THSD4: variants seen among roughly 807,000 people sequenced by gnomAD.
The protein encoded by THSD4 is thrombospondin type 1 domain containing 4, also known as thrombospondin type-1 domain-containing protein 4.
THSD4 carries 69 observed loss-of-function variants against 119.0 expected under a neutral mutation model. The ratio of observed to expected loss-of-function variants is 0.58; its 90% CI spans 0.48 to 0.71. THSD4 has a LOEUF of 0.71. Ranked by LOEUF, THSD4 falls within the 30% of genes least tolerant of loss-of-function variation. The probability of loss-of-function intolerance (pLI) is 0.00; values close to 1 mark genes in which losing one functional copy is unlikely to be tolerated. For missense variants in THSD4, 1,393 were observed against 1,391.1 expected, an observed-to-expected ratio of 1.00 and a Z score of -0.02; for synonymous variants, 524 against 540.4, an observed-to-expected ratio of 0.97 and a Z score of 0.42.
intron 3 of THSD4, among the ~76,000 whole-genome samples, chr15:71,190,450 G>A (rs773488489): frequency 4.6e-5 from 7 of 152,268 alleles, no homozygotes; most frequent in Middle Eastern, 3.4e-3. Flanking sequence ...AGCTTTATGA[G>A]CATTACAGGT....
At chr15:71,337,824 A>G (rs953901106) in intron 6 of THSD4, among the ~76,000 whole-genome samples, 3 of 152,120 alleles carry the variant, frequency 2.0e-5, no homozygotes, top group Admixed American at 6.5e-5. Context: ...TGATTTCTGC[A>G]TGCAATGTGA....
intron 3 of THSD4, among the ~76,000 whole-genome samples, chr15:71,201,109 C>T (rs1180780331): frequency 6.6e-6 from 1 of 152,082 alleles, no homozygotes; most frequent in Non-Finnish European, 1.5e-5. Flanking sequence ...GTAGCTTGAA[C>T]TTGAGGCCTA....
At chr15:71,148,513 GC>G (rs2040687512) in intron 2 of THSD4, among the ~76,000 whole-genome samples, 1 of 139,038 alleles carries the variant, frequency 7.2e-6, no homozygotes. Context: ...TAAATAGAAT[GC>G]ATTTTTTTTT....
At chr15:71,626,607 A>C (rs1483860245) in intron 7 of THSD4, among the ~76,000 whole-genome samples, 3 of 152,116 alleles carry the variant, frequency 2.0e-5, no homozygotes, top group Non-Finnish European at 2.9e-5. Context: ...TTCCCATATG[A>C]TTTTTCTTCT....
chr15:71,153,677 C>T (rs1237614838), intron 2 of THSD4, among the ~76,000 whole-genome samples: 2 of 152,178 alleles, frequency 1.3e-5, no homozygotes, highest in Non-Finnish European at 2.9e-5. Flanking sequence ...TTTTCCTCAT[C>T]TCCACCCTGA....
In THSD4 at chr15:71,758,078, G is replaced by A. The variant is rs1441948954; in HGVS notation, c.2589+3G>A. On this transcript the variant is annotated splice_donor_region_variant and intron_variant, in intron 15 of 17. Transcript: ENST00000261862. Reference sequence around the variant, plus strand: ...GGTTTGCCGGGAGCTGGAGTCAGGTGAGTGGCCAGAACTGGGTATGTCTGC... The same window carrying A: ...GGTTTGCCGGGAGCTGGAGTCAGGTAAGTGGCCAGAACTGGGTATGTCTGC... 6.4e-7 allele frequency: 1 copy of A among 1,566,728 alleles called. No homozygotes were observed. Among genetic ancestry groups the A allele is most frequent in the Non-Finnish European group, 8.7e-7 (1 of 1,154,630 alleles).
At chr15:71,580,727 G>C (rs2049542366) in intron 7 of THSD4, among the ~76,000 whole-genome samples, 1 of 152,088 alleles carries the variant, frequency 6.6e-6, no homozygotes, top group Admixed American at 6.5e-5. Context: ...CCATCTATAA[G>C]TGAGATCATG....
chr15:71,626,355 C>A (rs2050509913), intron 7 of THSD4, among the ~76,000 whole-genome samples: 1 of 152,144 alleles, frequency 6.6e-6, no homozygotes. Flanking sequence ...TCTTATTGAA[C>A]AACATGGTGA....
In THSD4 at chr15:71,781,627, G is replaced by A. The variant is rs1019132561; in HGVS notation, c.*4253G>A. The A allele has an allele frequency of 2.0e-5, 3 of 152,366 alleles. No homozygotes were observed. The East Asian group carries it at 5.8e-4, about 29-fold the overall frequency. The allele number at this position is 152,366 out of a possible 1,614,324, so 9.4% of individuals were successfully genotyped here. On this transcript the variant is annotated 3_prime_UTR_variant, in exon 18 of 18. Transcript: ENST00000261862. The stretch of plus-strand genomic sequence containing the variant: ...CTAGGGCACAAGGAGAGCTCTCCTA[G>A]GACCAGGACCAAGAAGCTACAGGCA...
chr15:71,737,724 T>A lies in THSD4; in HGVS notation c.1631-8T>A. On this transcript the variant is annotated splice_region_variant and splice_polypyrimidine_tract_variant and intron_variant, in intron 10 of 17. Transcript: ENST00000261862. ...CTGATTCTGTGTGTGCACGCTCACC[T>A]CTCCTAGGGGAACCCTTCAATGGCC... 1 of 1,596,198 alleles carries A rather than the reference T, an allele frequency of 6.3e-7. No individual in the cohort carries two copies. The highest frequency in any genetic ancestry group is 8.5e-7 in the Non-Finnish European group (1 of 1,171,106).
At chr15:71,279,293 C>G (rs958608255) in intron 6 of THSD4, among the ~76,000 whole-genome samples, 2 of 150,748 alleles carry the variant, frequency 1.3e-5, no homozygotes, top group Non-Finnish European at 2.9e-5. Context: ...AGCTTTGGCC[C>G]GTGTCCAGTG....
intron 6 of THSD4, among the ~76,000 whole-genome samples, chr15:71,371,013 G>C (rs1339953062): frequency 6.6e-6 from 1 of 152,170 alleles, no homozygotes; most frequent in African/African-American, 2.4e-5. Flanking sequence ...TTGTTGAATT[G>C]ATCCCTTTAC....
chr15:71,588,133 C>T (rs1449564463), intron 7 of THSD4, among the ~76,000 whole-genome samples: 9 of 151,686 alleles, frequency 5.9e-5, no homozygotes, highest in African/African-American at 2.2e-4. Flanking sequence ...GGTGAAACCC[C>T]GTCTCTACTA....
intron 7 of THSD4, among the ~76,000 whole-genome samples, chr15:71,442,626 A>ATG (rs2047117865): frequency 1.6e-5 from 1 of 61,870 alleles, no homozygotes; most frequent in Non-Finnish European, 3.5e-5. Flanking sequence ...GTGTATATAT[A>ATG]TATGTATGTG....
intron 14 of THSD4, among the ~76,000 whole-genome samples, chr15:71,749,505 A>G (rs1395018180): frequency 6.6e-6 from 1 of 152,070 alleles, no homozygotes; most frequent in Admixed American, 6.5e-5. Flanking sequence ...ATGATTGGCT[A>G]TCTCTGACCT....
chr15:71,300,565 C>T (rs541740638), intron 6 of THSD4, among the ~76,000 whole-genome samples: 9 of 152,322 alleles, frequency 5.9e-5, no homozygotes, highest in Admixed American at 3.3e-4. Flanking sequence ...CACTAAATTC[C>T]TCAGCACATA....
At chr15:71,316,348 CT>C (rs1438811861) in intron 6 of THSD4, among the ~76,000 whole-genome samples, 1 of 152,168 alleles carries the variant, frequency 6.6e-6, no homozygotes, top group Non-Finnish European at 1.5e-5. Flanking sequence ...CTTAACCCCC[CT>C]GCTCCAACCA....
intron 4 of THSD4, 115 bp from the exon 5 acceptor site, chr15:71,242,534 C>A: frequency 2.7e-6 from 3 of 1,129,080 alleles, no homozygotes; most frequent in Non-Finnish European, 3.8e-6. Flanking sequence ...CTACCATAGA[C>A]CCTTTCCCAA....
upstream of THSD4, chr15:71,111,788 C>A: frequency 1.5e-5 from 8 of 518,444 alleles, no homozygotes; most frequent in Non-Finnish European, 2.4e-5. Flanking sequence ...TGCTGGGACA[C>A]AATTCTCTGA....
Sources: allele counts gnomAD v4.1 joint callset (sites outside exome capture counted in the v4.1 genomes callset), GRCh38; gene constraint gnomAD v4.1.1; transcripts MANE v1.5; gene names NCBI Gene and HGNC (gene_info 2026-07-23, HGNC 2026-07-21).